CARMIL1: variants seen among roughly 807,000 people sequenced by gnomAD.
The protein encoded by CARMIL1 is capping protein regulator and myosin 1 linker 1.
A neutral mutation model predicts 177.1 loss-of-function variants in CARMIL1; 90 were observed. That is an observed-to-expected ratio of 0.51 (90% CI 0.43 to 0.61). The LOEUF (loss-of-function observed/expected upper bound fraction) is 0.61, where lower values mean the gene tolerates loss of function less well. Ranked by LOEUF, CARMIL1 falls within the 20% of genes least tolerant of loss-of-function variation. The probability of loss-of-function intolerance (pLI) is 0.00; values close to 1 mark genes in which losing one functional copy is unlikely to be tolerated. For missense variants in CARMIL1, 1,380 were observed against 1,667.0 expected (o/e 0.83, Z 3.00); for synonymous variants, 577 against 606.2 (o/e 0.95, Z 0.71).
chr6:25,399,649 T>A (rs938173675), intron 2 of CARMIL1, among the ~76,000 whole-genome samples: 1 of 152,030 alleles, frequency 6.6e-6, no homozygotes, highest in Non-Finnish European at 1.5e-5. Context: ...TGTGGAGGGG[T>A]GATTTGGATA....
At chr6:25,403,329 G>C (rs1369042384) in intron 2 of CARMIL1, among the ~76,000 whole-genome samples, 4 of 152,142 alleles carry the variant, frequency 2.6e-5, no homozygotes, top group Non-Finnish European at 5.9e-5. Flanking sequence ...GCTAACCTCT[G>C]TGGCTTAACC....
chr6:25,325,719 G>GT (rs1163078189), intron 2 of CARMIL1, among the ~76,000 whole-genome samples: 2 of 152,332 alleles, frequency 1.3e-5, no homozygotes, highest in East Asian at 3.9e-4. Flanking sequence ...TACAGCAGAT[G>GT]TAACAGATAT....
At chr6:25,513,633 G>C (rs569686633) in intron 20 of CARMIL1, among the ~76,000 whole-genome samples, 1 of 152,082 alleles carries the variant, frequency 6.6e-6, no homozygotes, top group Non-Finnish European at 1.5e-5. Context: ...TAGCCCTTTG[G>C]TAGATGAACC....
intron 21 of CARMIL1, among the ~76,000 whole-genome samples, chr6:25,516,612 A>G (rs1806026255): frequency 6.6e-6 from 1 of 152,232 alleles, no homozygotes; most frequent in African/African-American, 2.4e-5. Flanking sequence ...TAGGAAGGGA[A>G]GGCAGTGAAA....
At chr6:25,390,293 C>CATATATATATATATATATATATAT (rs397887367) in intron 2 of CARMIL1, among the ~76,000 whole-genome samples, 1 of 84,898 alleles carries the variant, frequency 1.2e-5, no homozygotes, top group Non-Finnish European at 2.3e-5. Context: ...TATATATTTA[C>CATATATATATATATATATATATAT]ATATATATAT....
rs80067878 is a variant in CARMIL1 at position 25,574,997 on chromosome 6, C to T, written c.2743-5927C>T. On this transcript the variant is annotated intron_variant, in intron 29 of 36. Coordinates refer to ENST00000329474, the MANE Select transcript of CARMIL1 (RefSeq NM_017640.6). The stretch of plus-strand genomic sequence containing the variant: ...AGAGGTCACTGATTGGCACTGTTTG[C>T]CAGACACTGTGCTAAGCACTTGGCA... 8.6e-3 allele frequency among the ~76,000 whole-genome samples: 1,315 copies of T among 152,318 alleles called. 12 individuals carry two copies. Among genetic ancestry groups the T allele is most frequent in the Non-Finnish European group, 0.011 (765 of 68,024 alleles).
At chr6:25,549,553 G>T (rs1361274701) in intron 26 of CARMIL1, among the ~76,000 whole-genome samples, 1 of 152,114 alleles carries the variant, frequency 6.6e-6, no homozygotes, top group Non-Finnish European at 1.5e-5. Flanking sequence ...GTCAAAATAG[G>T]AAAGGCTTTT....
In CARMIL1 at chr6:25,503,051, T is replaced by A. The variant is rs1002993750; in HGVS notation, c.1395+2816T>A. Among the ~76,000 whole-genome samples the A allele has an allele frequency of 2.6e-5, 4 of 152,368 alleles. No individual in the cohort carries two copies. The East Asian group carries it at 7.7e-4, about 29-fold the overall frequency. ...CAAAAATTGCAGACTATTGGCAGTTTCGTAAAGTTCAACTTAATTGCTAGT... is the reference window on the plus strand; with the variant it reads ...CAAAAATTGCAGACTATTGGCAGTTACGTAAAGTTCAACTTAATTGCTAGT... On this transcript the variant is annotated intron_variant, in intron 17 of 36. Transcript: ENST00000329474.
At chr6:25,465,623 A>G (rs1187890490) in intron 8 of CARMIL1, 1 of 443,656 alleles carries the variant, frequency 2.3e-6, no homozygotes, top group Admixed American at 4.0e-5. Flanking sequence ...AGGTTTTTCA[A>G]GCAAATTCTG....
chr6:25,576,513 C>G lies in CARMIL1; in HGVS notation c.2743-4411C>G, dbSNP rs145084474. On this transcript the variant is annotated intron_variant, in intron 29 of 36. Coordinates refer to ENST00000329474, the MANE Select transcript of CARMIL1 (RefSeq NM_017640.6). ...CCCCAGAAGAGACGCCTGTACATGC[C>G]TGCAGATACACTGTCCCCACTTAGT... Among the ~76,000 whole-genome samples the G allele has an allele frequency of 7.2e-5, 11 of 152,302 alleles. No individual in the cohort carries two copies. The East Asian group carries it at 2.1e-3, about 29-fold the overall frequency.
At chr6:25,365,947 T>C (rs1277396469) in intron 2 of CARMIL1, among the ~76,000 whole-genome samples, 1 of 152,184 alleles carries the variant, frequency 6.6e-6, no homozygotes, top group Non-Finnish European at 1.5e-5. Flanking sequence ...TAGATTTTTG[T>C]TGATCATTGA....
chr6:25,601,595 C>A (rs753481577), intron 33 of CARMIL1, among the ~76,000 whole-genome samples: 5 of 152,128 alleles, frequency 3.3e-5, no homozygotes, highest in African/African-American at 9.7e-5. Context: ...TTGCTATATT[C>A]CAGATTTAAA....
intron 31 of CARMIL1, among the ~76,000 whole-genome samples, chr6:25,590,912 A>G (rs934612908): frequency 1.6e-4 from 25 of 151,692 alleles, no homozygotes; most frequent in Admixed American, 3.9e-4. Flanking sequence ...TGTTTTATCA[A>G]TCCTCTCAAG....
chr6:25,451,986 G>GGGGGGGGGGGGGGGGGGC, intron 8 of CARMIL1: 1 of 112,672 alleles, frequency 8.9e-6, no homozygotes, highest in Non-Finnish European at 1.7e-5. Context: ...CTAGCATCTT[G>GGGGGGGGGGGGGGGGGGC]CCCCCCCCTC....
chr6:25,503,443 A>G (rs1350875223), intron 17 of CARMIL1, among the ~76,000 whole-genome samples: 2 of 152,206 alleles, frequency 1.3e-5, no homozygotes. Flanking sequence ...TTCTCTTCAT[A>G]ATATAATAAA....
At chr6:25,301,934 T>G (rs1390716152) in intron 2 of CARMIL1, among the ~76,000 whole-genome samples, 2 of 152,150 alleles carry the variant, frequency 1.3e-5, no homozygotes, top group African/African-American at 4.8e-5. Flanking sequence ...TCCAGAGATG[T>G]GTTGCTTTGC....
chr6:25,602,932 T>G (rs1562330973), intron 33 of CARMIL1, among the ~76,000 whole-genome samples: 1 of 152,350 alleles, frequency 6.6e-6, no homozygotes, highest in East Asian at 1.9e-4. Flanking sequence ...CAGTGAATAC[T>G]TAGAGTTCAT....
chr6:25,455,914 C>G (rs1173062253), intron 8 of CARMIL1, among the ~76,000 whole-genome samples: 2 of 152,220 alleles, frequency 1.3e-5, no homozygotes, highest in East Asian at 3.8e-4. Flanking sequence ...GGGAACCCAT[C>G]ACCACACGTG....
rs573467885 is a variant in CARMIL1 at position 25,444,095 on chromosome 6, G to A, written c.372-5803G>A. On this transcript the variant is annotated intron_variant, in intron 5 of 36. Coordinates refer to ENST00000329474, the MANE Select transcript of CARMIL1 (RefSeq NM_017640.6). The stretch of plus-strand genomic sequence containing the variant: ...TGGGATTACAGGCATGAGCCACTGC[G>A]CCTGGACTTACAATTTCTTAAAATA... Among the ~76,000 whole-genome samples, 15 of 152,194 alleles carry A rather than the reference G, an allele frequency of 9.9e-5. No individual in the cohort carries two copies. In the East Asian group the frequency reaches 1.9e-3, roughly 20 times the overall value.
Sources: allele counts gnomAD v4.1 joint callset (sites outside exome capture counted in the v4.1 genomes callset), GRCh38; gene constraint gnomAD v4.1.1; transcripts MANE v1.5; gene names NCBI Gene and HGNC (gene_info 2026-07-23, HGNC 2026-07-21).